The following OGFOD1 variants were observed in gnomAD, a reference collection of about 807,000 sequenced individuals.
OGFOD1 encodes prolyl 3-hydroxylase OGFOD1.
Under a neutral mutation model 67.7 loss-of-function variants are expected in OGFOD1, and 54 were observed. That is an observed-to-expected ratio of 0.80 (90% CI 0.64 to 1.00). The LOEUF is 1.00. Ranked by LOEUF, OGFOD1 falls within the 50% of genes least tolerant of loss-of-function variation. The pLI, the probability that OGFOD1 is intolerant of heterozygous loss-of-function variation, is 0.00. For missense variants in OGFOD1, 606 were observed against 646.7 expected, an observed-to-expected ratio of 0.94 and a Z score of 0.68; for synonymous variants, 221 against 227.0, an observed-to-expected ratio of 0.97 and a Z score of 0.24.
Position 56,469,935 on chromosome 16 carries a change from T to C in OGFOD1, c.901-68T>C, listed in dbSNP as rs1224357923. On this transcript the variant is annotated intron_variant, in intron 8 of 12. Coordinates refer to ENST00000566157, the MANE Select transcript of OGFOD1 (RefSeq NM_018233.4). ...AGATTGATGTTTGGCAGAGCTGCTG[T>C]ACCTGCCAAACCAGTGCGGGGTAAT... is the stretch of plus-strand genomic sequence containing the variant. 7 of 1,304,294 alleles carry C rather than the reference T, an allele frequency of 5.4e-6. No homozygotes were observed. The East Asian group carries it at 1.4e-4, about 26-fold the overall frequency. 80.8% of individuals were successfully genotyped at this position (1,304,294 alleles called of 1,614,324 possible).
At chr16:56,467,695 G>A (rs1321408989) in intron 7 of OGFOD1, among the ~76,000 whole-genome samples, 1 of 152,090 alleles carries the variant, frequency 6.6e-6, no homozygotes, top group African/African-American at 2.4e-5. Context: ...CCAAAGTGCT[G>A]GGATTACAGG....
In OGFOD1 at chr16:56,466,231, G is replaced by A. The variant is rs1596976336; in HGVS notation, c.528G>A (p.Arg176=). The part of the protein sequence containing the change: ...FILYLVPPWD[R]SMGGTLDLYS... ...TGTACCTGGTTCCTCCCTGGGACAGGAGCATGGGTGGTACCCTGGACCTGT... is the reference window on the plus strand; with the variant it reads ...TGTACCTGGTTCCTCCCTGGGACAGAAGCATGGGTGGTACCCTGGACCTGT... The change falls in exon 5 of 13, where the codon AGG becomes AGA. Residue 176 remains arginine (R), a synonymous_variant. Transcript: ENST00000566157. 3.1e-6 allele frequency: 5 copies of A among 1,614,056 alleles called. No individual in the cohort carries two copies. The highest frequency in any genetic ancestry group is 2.2e-5 in the East Asian group (1 of 44,880).
At position 56,467,948 on chromosome 16, in the gene OGFOD1, T is replaced by C. The variant is rs1962975030; in HGVS notation, c.830T>C (p.Met277Thr). The change falls in exon 8 of 13, where the codon ATG becomes ACG. Residue 277 changes from methionine (M) to threonine (T), a missense_variant. Physicochemically the swap from Met to Thr is moderately conservative, Grantham distance 81. Transcript: ENST00000566157. ...TGGATCAACCCTACTTATCTGGACA[T>C]GGATTACCAAGTTCAAATTCAAGAA... is the stretch of plus-strand genomic sequence containing the variant. Reference protein sequence around the residue: ...YDWINPTYLDMDYQVQIQEEF... With the variant: ...YDWINPTYLDTDYQVQIQEEF... 1 of 1,609,676 alleles carries C rather than the reference T, an allele frequency of 6.2e-7. No homozygotes were observed.
intron 2 of OGFOD1, among the ~76,000 whole-genome samples, chr16:56,454,308 A>C (rs894049019): frequency 6.6e-6 from 1 of 152,160 alleles, no homozygotes; most frequent in African/African-American, 2.4e-5. Flanking sequence ...AGATCACATC[A>C]TTGCACTCCA....
intron 4 of OGFOD1, among the ~76,000 whole-genome samples, chr16:56,465,330 T>C (rs1962859489): frequency 6.6e-6 from 1 of 152,168 alleles, no homozygotes; most frequent in African/African-American, 2.4e-5. Context: ...TATAAAACTA[T>C]AGATATAGGA....
chr16:56,459,433 G>C (rs181400726), intron 3 of OGFOD1, among the ~76,000 whole-genome samples: 3 of 151,520 alleles, frequency 2.0e-5, no homozygotes, highest in Admixed American at 2.0e-4. Context: ...TTATAATATT[G>C]AAAAATTATA....
chr16:56,466,746 A>G, intron 5 of OGFOD1, 130 bp from the exon 6 acceptor site: 1 of 705,488 alleles, frequency 1.4e-6, no homozygotes, highest in Non-Finnish European at 2.5e-6. Context: ...AAGCAGATGG[A>G]AAGGGCGGTA....
chr16:56,475,670 A>C, intron 12 of OGFOD1, 105 bp downstream of exon 12: 1 of 886,286 alleles, frequency 1.1e-6, no homozygotes, highest in South Asian at 1.4e-5. Flanking sequence ...TTAGCTAATA[A>C]ATCTCTGCCA....
intron 4 of OGFOD1, among the ~76,000 whole-genome samples, chr16:56,465,154 C>T (rs1327740324): frequency 3.3e-5 from 5 of 152,058 alleles, no homozygotes; most frequent in African/African-American, 1.2e-4. Context: ...CGTGCACCAC[C>T]ATGCCCTGCT....
In OGFOD1 at chr16:56,470,649, G is replaced by T; in HGVS notation, c.1143G>T (p.Glu381Asp). The T allele has an allele frequency of 6.2e-7, 1 of 1,614,108 alleles. No individual in the cohort carries two copies. The highest frequency in any genetic ancestry group is 8.5e-7 in the Non-Finnish European group (1 of 1,180,032). Residue 381 changes from glutamate to aspartate, a missense_variant, in exon 10 of 13, where the codon GAG becomes GAT. Physicochemically the swap from Glu to Asp is conservative, Grantham distance 45. Transcript: ENST00000566157. ...AAGATGAGATGAATGATAAAAAAGAGGCAGAAACCACTGATATCACTGAAG... is the reference window on the plus strand; with the variant it reads ...AAGATGAGATGAATGATAAAAAAGATGCAGAAACCACTGATATCACTGAAG... ...SEEDEMNDKKEAETTDITEEG... is the reference protein window; with the variant it reads ...SEEDEMNDKKDAETTDITEEG...
chr16:56,473,858 G>T (rs1455863850), intron 10 of OGFOD1, among the ~76,000 whole-genome samples: 1 of 151,928 alleles, frequency 6.6e-6, no homozygotes, highest in East Asian at 1.9e-4. Context: ...CCAGGCTGGA[G>T]TACAGTGGTG....
Position 56,470,782 on chromosome 16 carries a change from A to G in OGFOD1, c.1276A>G (p.Thr426Ala), listed in dbSNP as rs181408838. The change falls in exon 10 of 13, where the codon ACA becomes GCA. Residue 426 changes from threonine (T) to alanine (A), a missense_variant. Transcript: ENST00000566157. The stretch of plus-strand genomic sequence containing the variant: ...AGACCCAGAGCCAGAGGAAAATGAA[A>G]CAAAGAAAGGTAAGCTGTTGTTAGG... ...QTDPEPEENE[T>A]KKESSVPMCQ... 4 of 1,592,760 alleles carry G rather than the reference A, an allele frequency of 2.5e-6. No homozygotes were observed. The highest frequency in any genetic ancestry group is 2.3e-5 in the South Asian group (2 of 87,776).
At chr16:56,467,120 C>A (rs747245063) in intron 6 of OGFOD1, 45 bp from the exon 7 acceptor site, 1 of 1,612,660 alleles carries the variant, frequency 6.2e-7, no homozygotes. Flanking sequence ...TGGCGGTAAT[C>A]CCCCTATTCT....
In OGFOD1 at chr16:56,463,919, C is replaced by T. The variant is rs530298168; in HGVS notation, c.448+1285C>T. On this transcript the variant is annotated intron_variant, in intron 4 of 12. Coordinates refer to ENST00000566157, the MANE Select transcript of OGFOD1 (RefSeq NM_018233.4). ...TAAACCATCAGAATCAGGAAATTTA[C>T]GTTGATGCCTTATTCCACATCAATG... Among the ~76,000 whole-genome samples the T allele has an allele frequency of 3.3e-5, 5 of 152,214 alleles. No homozygotes were observed. In the South Asian group the frequency reaches 1.0e-3, roughly 32 times the overall value.
intron 3 of OGFOD1, among the ~76,000 whole-genome samples, chr16:56,460,163 T>C (rs1962665178): frequency 6.6e-6 from 1 of 152,234 alleles, no homozygotes; most frequent in African/African-American, 2.4e-5. Flanking sequence ...ATTATCCCCT[T>C]AGTTCACAAC....
At chr16:56,454,812 G>C (rs537428757) in intron 2 of OGFOD1, 1 of 443,812 alleles carries the variant, frequency 2.3e-6, no homozygotes, top group South Asian at 1.6e-5. Context: ...ACCTTCCCCA[G>C]ATCTTTCTGT....
rs1432969739 is a variant in OGFOD1 at position 56,470,025 on chromosome 16, G to T, written c.923G>T (p.Cys308Phe). ...FLKPEKFTKV[C>F]EALEHGHVEW... is the part of the protein sequence containing the mutation. ...TAGCCTGAGAAATTCACGAAAGTCT[G>T]TGAGGCCTTGGAGCATGGACATGTG... Residue 308 changes from cysteine to phenylalanine, a missense_variant, in exon 9 of 13, where the codon TGT (cysteine) becomes TTT (phenylalanine). Transcript: ENST00000566157. 5.6e-6 allele frequency: 9 copies of T among 1,614,086 alleles called. No homozygotes were observed. Among genetic ancestry groups the T allele is most frequent in the Non-Finnish European group, 7.6e-6 (9 of 1,180,008 alleles).
intron 6 of OGFOD1, 31 bp from the exon 7 acceptor site, chr16:56,467,134 T>A (rs201107479): frequency 9.9e-6 from 16 of 1,613,956 alleles, no homozygotes; most frequent in Admixed American, 1.7e-5. Context: ...CTATTCTTCG[T>A]GTTGATGTGC....
At chr16:56,472,747 T>C (rs1963256430) in intron 10 of OGFOD1, among the ~76,000 whole-genome samples, 1 of 152,066 alleles carries the variant, frequency 6.6e-6, no homozygotes, top group African/African-American at 2.4e-5. Context: ...ATATGGGGGG[T>C]ATATTTTTAC....
Sources: allele counts gnomAD v4.1 joint callset (sites outside exome capture counted in the v4.1 genomes callset), GRCh38; gene constraint gnomAD v4.1.1; transcripts MANE v1.5; gene names NCBI Gene and HGNC (gene_info 2026-07-23, HGNC 2026-07-21).